Variants in C4orf51 observed in about 807,000 individuals in gnomAD.
C4orf51 encodes uncharacterized protein C4orf51.
Under a neutral mutation model 25.2 loss-of-function variants are expected in C4orf51, and 25 were observed. The observed-to-expected ratio is 0.99, with a 90% CI of 0.72 to 1.39. The LOEUF is 1.39. Among genes scored for constraint, C4orf51 ranks in the 40% most tolerant of loss-of-function variants. The pLI is 0.00. For missense variants in C4orf51, 252 were observed against 239.6 expected (o/e 1.05, Z -0.34); for synonymous variants, 100 against 84.5 (o/e 1.18, Z -1.01).
rs573704795 is a variant in C4orf51 at position 145,694,936 on chromosome 4, T to G, written c.234-1623T>G. Among the ~76,000 whole-genome samples, 5 of 152,300 alleles carry G rather than the reference T, an allele frequency of 3.3e-5. No individual in the cohort carries two copies. The South Asian group carries it at 8.3e-4, about 25-fold the overall frequency. On this transcript the variant is annotated intron_variant, in intron 1 of 5. Coordinates refer to ENST00000438731, the MANE Select transcript of C4orf51 (RefSeq NM_001080531.3). ...AAAATGTTACCCTTTTATGACAAAT[T>G]AGAGAACAAACAAATCACTAAAGAC...
At chr4:145,735,482 G>A (rs1732756767), downstream of C4orf51, among the ~76,000 whole-genome samples, 1 of 152,154 alleles carries the variant, frequency 6.6e-6, no homozygotes, top group South Asian at 2.1e-4. Flanking sequence ...TCCTAGCAGA[G>A]GTGGTGGGAG....
the C4orf51 span, among the ~76,000 whole-genome samples, chr4:145,787,464 G>GAAAAAAA: frequency 2.4e-5 from 2 of 83,210 alleles, no homozygotes; most frequent in African/African-American, 4.4e-5. Context: ...TCCGTCTCAG[G>GAAAAAAA]AAAAAAAAAA....
chr4:145,769,050 A>G (rs1275271458), intron 1 of C4orf51, among the ~76,000 whole-genome samples: 2 of 151,116 alleles, frequency 1.3e-5, no homozygotes, highest in Non-Finnish European at 1.5e-5. Flanking sequence ...AAAAGTTTTT[A>G]AAAAGAGAAA....
intron 2 of C4orf51, among the ~76,000 whole-genome samples, chr4:145,703,726 G>C (rs957027113): frequency 6.6e-6 from 1 of 152,112 alleles, no homozygotes; most frequent in African/African-American, 2.4e-5. Flanking sequence ...GGAGTTTCTT[G>C]TTTTCAGGTC....
chr4:145,775,118 C>A (rs746740837), downstream of C4orf51, among the ~76,000 whole-genome samples: 1 of 152,086 alleles, frequency 6.6e-6, no homozygotes, highest in Non-Finnish European at 1.5e-5. Flanking sequence ...ATGAAAGCAC[C>A]TACAGTTTGT....
intron 1 of C4orf51, among the ~76,000 whole-genome samples, chr4:145,687,052 G>A (rs562321374): frequency 1.5e-4 from 23 of 152,090 alleles, no homozygotes; most frequent in African/African-American, 5.5e-4. Flanking sequence ...AAATCTTGGG[G>A]CCCCCAAATC....
At chr4:145,768,916 T>TATATATATAA (rs34051922) in intron 1 of C4orf51, among the ~76,000 whole-genome samples, 706 of 34,344 alleles carry the variant, frequency 0.021, 133 homozygotes, top group African/African-American at 0.037. Context: ...TATATATATA[T>TATATATATAA]TAGGTATACA....
At chr4:145,749,486 T>C (rs1415193976) in intron 1 of C4orf51, among the ~76,000 whole-genome samples, 1 of 152,190 alleles carries the variant, frequency 6.6e-6, no homozygotes, top group Non-Finnish European at 1.5e-5. Context: ...TTCCTTCTTT[T>C]TTTTTCATTC....
In C4orf51 at chr4:145,765,168, G is replaced by A. The variant is rs767415519; in HGVS notation, n.167-5820G>A. ...GTTGCAAAAAACACATTCGAACCCT[G>A]CAAGGACCGAAGCTGGGTATAGAGG... On this transcript the variant is annotated intron_variant and non_coding_transcript_variant, in intron 1 of 1. Transcript: ENST00000510096. This position sits in a 1 kb window ranked among gnomAD's most constrained non-coding sequence, Gnocchi z 4.7. 26 of 1,600,342 alleles carry A rather than the reference G, an allele frequency of 1.6e-5. No individual in the cohort carries two copies. Among genetic ancestry groups the A allele is most frequent in the East Asian group, 2.2e-5 (1 of 44,866 alleles).
At chr4:145,730,875 C>T (rs142733983) in intron 5 of C4orf51, among the ~76,000 whole-genome samples, 4 of 152,310 alleles carry the variant, frequency 2.6e-5, no homozygotes, top group Admixed American at 2.6e-4. Flanking sequence ...GGATGACCCA[C>T]GCTGGTTCCC....
At chr4:145,728,914 T>A (rs1732262391) in intron 3 of C4orf51, among the ~76,000 whole-genome samples, 1 of 152,028 alleles carries the variant, frequency 6.6e-6, no homozygotes, top group East Asian at 1.9e-4. Flanking sequence ...TGGCTTTTTC[T>A]TTTTCTTTTT....
At chr4:145,771,746 T>C (rs2126919508), downstream of C4orf51, among the ~76,000 whole-genome samples, 1 of 152,334 alleles carries the variant, frequency 6.6e-6, no homozygotes, top group South Asian at 2.1e-4. Flanking sequence ...ATGGGTTCTG[T>C]AGGAGACTAA....
intron 2 of C4orf51, among the ~76,000 whole-genome samples, chr4:145,698,521 T>C (rs1730221007): frequency 6.6e-6 from 1 of 152,130 alleles, no homozygotes; most frequent in Non-Finnish European, 1.5e-5. Flanking sequence ...AATGTCTGGG[T>C]TTTGATAAAG....
intron 5 of C4orf51, among the ~76,000 whole-genome samples, chr4:145,731,601 A>G (rs1342301097): frequency 1.6e-5 from 1 of 63,894 alleles, no homozygotes; most frequent in East Asian, 7.4e-4. Flanking sequence ...TTTTTTTGAG[A>G]CAGGAGTTTC....
chr4:145,787,875 G>A, the C4orf51 span, among the ~76,000 whole-genome samples: 1 of 152,078 alleles, frequency 6.6e-6, no homozygotes, highest in Admixed American at 6.5e-5. Context: ...CCCACATCTT[G>A]CACAGGGTCA....
At chr4:145,723,745 G>A (rs1201167576) in intron 2 of C4orf51, among the ~76,000 whole-genome samples, 1 of 152,224 alleles carries the variant, frequency 6.6e-6, no homozygotes, top group Non-Finnish European at 1.5e-5. Context: ...GGTAGTGGGA[G>A]CAGGAAGGTA....
chr4:145,693,121 G>A (rs1283994210), intron 1 of C4orf51, among the ~76,000 whole-genome samples: 1 of 146,874 alleles, frequency 6.8e-6, no homozygotes, highest in Non-Finnish European at 1.5e-5. Context: ...TGGAGGGAAG[G>A]TCAGCAGATA....
intron 5 of C4orf51, among the ~76,000 whole-genome samples, chr4:145,731,710 T>TAAGGGAA (rs1732490976): frequency 6.6e-6 from 1 of 150,960 alleles, no homozygotes; most frequent in Admixed American, 6.6e-5. Flanking sequence ...GCCTCCCGAG[T>TAAGGGAA]AACTGGGATT....
chr4:145,771,272 T>G (rs1736236631), downstream of C4orf51, among the ~76,000 whole-genome samples: 1 of 152,224 alleles, frequency 6.6e-6, no homozygotes. Flanking sequence ...GTCAGATCTC[T>G]CGATTGTTTT....
Sources: gnomAD v4.1 joint callset for allele counts (sites outside exome capture counted in the v4.1 genomes callset) on GRCh38, gnomAD v4.1.1 for gene constraint, Gnocchi (gnomAD v3.1) non-coding constraint, MANE v1.5 for transcripts, NCBI Gene and HGNC (gene_info 2026-07-23, HGNC 2026-07-21) for gene names.